Variants in CORO2B observed in about 807,000 individuals in gnomAD.
CORO2B encodes coronin-2B.
Under a neutral mutation model 58.8 loss-of-function variants are expected in CORO2B, and 26 were observed. That is an observed-to-expected ratio of 0.44 (90% CI 0.32 to 0.61). The LOEUF is 0.61. CORO2B is among the 20% of genes least tolerant of loss of function. The probability of loss-of-function intolerance (pLI) is 0.04; values close to 1 mark genes in which losing one functional copy is unlikely to be tolerated. For synonymous variants in CORO2B, 242 were observed against 253.8 expected (o/e 0.95, Z 0.44); for missense variants, 460 against 645.1 (o/e 0.71, Z 3.11).
the CORO2B span, among the ~76,000 whole-genome samples, chr15:68,572,311 C>T: frequency 2.0e-5 from 3 of 152,164 alleles, no homozygotes; most frequent in African/African-American, 7.2e-5. Flanking sequence ...AATGTCAATG[C>T]TACTGTCCCT....
At position 68,726,287 on chromosome 15, in the gene CORO2B, G is replaced by A. The variant is rs1893297585; in HGVS notation, c.*313G>A. ...GCAGGGGCTCCATCTCAGTGGACCA[G>A]GAAGCAAGAGGGGAAGCGGGATCCC... On this transcript the variant is annotated 3_prime_UTR_variant, in exon 12 of 12. Transcript: ENST00000261861. 2.8e-5 allele frequency: 10 copies of A among 351,874 alleles called. 1 individual carries two copies. The highest frequency in any genetic ancestry group is 2.4e-4 in the South Asian group (9 of 37,772). 21.8% of individuals were successfully genotyped at this position (351,874 alleles called of 1,614,324 possible). A position where few individuals can be genotyped will look rare whatever the true frequency, so the allele number is the denominator to read the frequency against.
chr15:68,630,960 C>T (rs187021551), intron 1 of CORO2B, among the ~76,000 whole-genome samples: 63 of 152,350 alleles, frequency 4.1e-4, no homozygotes, highest in African/African-American at 1.5e-3. Flanking sequence ...AAAAATCCTT[C>T]TCAGAAGCCC....
chr15:68,614,585 A>G (rs1389183154), intron 1 of CORO2B, among the ~76,000 whole-genome samples: 1 of 152,180 alleles, frequency 6.6e-6, no homozygotes, highest in Admixed American at 6.5e-5. Context: ...GAGCTCCTGA[A>G]TGACTTTAGA....
At chr15:68,607,318 A>G (rs1900149790) in intron 1 of CORO2B, among the ~76,000 whole-genome samples, 1 of 152,188 alleles carries the variant, frequency 6.6e-6, no homozygotes. Context: ...GTGTCTCCAC[A>G]TGGCTTGAGC....
chr15:68,620,612 G>C (rs1421484979), intron 1 of CORO2B, among the ~76,000 whole-genome samples: 1 of 152,194 alleles, frequency 6.6e-6, no homozygotes, highest in Non-Finnish European at 1.5e-5. Context: ...TCTTGCTTTT[G>C]AATCAGTTTT....
At chr15:68,522,663 T>C in the CORO2B span, among the ~76,000 whole-genome samples, 19 of 152,248 alleles carry the variant, frequency 1.2e-4, no homozygotes, top group African/African-American at 4.3e-4. Flanking sequence ...ATGGTCAGAC[T>C]GGTTTCATCA....
At chr15:68,540,456 A>G in the CORO2B span, among the ~76,000 whole-genome samples, 1 of 152,186 alleles carries the variant, frequency 6.6e-6, no homozygotes. Context: ...TTTTCAAGAT[A>G]ATGTCTGCCA....
chr15:68,585,513 G>A (rs1899528586), intron 1 of CORO2B, among the ~76,000 whole-genome samples: 1 of 152,216 alleles, frequency 6.6e-6, no homozygotes, highest in African/African-American at 2.4e-5. Flanking sequence ...AACGGCTCAA[G>A]GTCACAGGTT....
At chr15:68,545,617 G>T in the CORO2B span, among the ~76,000 whole-genome samples, 8 of 151,526 alleles carry the variant, frequency 5.3e-5, no homozygotes, top group South Asian at 4.2e-4. Flanking sequence ...GGGGGCGGGG[G>T]GGGTAATACT....
At chr15:68,545,170 C>A in the CORO2B span, among the ~76,000 whole-genome samples, 1 of 152,156 alleles carries the variant, frequency 6.6e-6, no homozygotes, top group Non-Finnish European at 1.5e-5. Context: ...GAGTGACACA[C>A]GCTGGAGGAA....
chr15:68,563,504 A>G, the CORO2B span, among the ~76,000 whole-genome samples: 108 of 151,710 alleles, frequency 7.1e-4, no homozygotes, highest in Non-Finnish European at 1.2e-3. Flanking sequence ...AAAAAAGAAA[A>G]GAAAAGAAAA....
chr15:68,609,310 G>A (rs78499306), intron 1 of CORO2B, among the ~76,000 whole-genome samples: 5,011 of 152,304 alleles, frequency 0.033, 100 homozygotes, highest in Middle Eastern at 0.051. Flanking sequence ...CTGTCTGAGC[G>A]TTATCTAGCA....
chr15:68,583,587 C>T (rs902345534), intron 1 of CORO2B, among the ~76,000 whole-genome samples: 8 of 152,112 alleles, frequency 5.3e-5, no homozygotes, highest in African/African-American at 1.4e-4. Flanking sequence ...AGAAGCATTG[C>T]GGGAGTGGGA....
chr15:68,701,260 T>C (rs1892635782), intron 3 of CORO2B, among the ~76,000 whole-genome samples: 1 of 152,140 alleles, frequency 6.6e-6, no homozygotes, highest in Admixed American at 6.5e-5. Flanking sequence ...GTTCAAATCC[T>C]GGCTCTGCCA....
chr15:68,657,049 A>C (rs1901831235), intron 2 of CORO2B, among the ~76,000 whole-genome samples: 1 of 152,250 alleles, frequency 6.6e-6, no homozygotes, highest in Non-Finnish European at 1.5e-5. Context: ...CAGATGGAGT[A>C]CAAAAGTTTG....
intron 1 of CORO2B, among the ~76,000 whole-genome samples, chr15:68,624,928 A>C (rs1322423110): frequency 6.6e-6 from 1 of 152,090 alleles, no homozygotes; most frequent in South Asian, 2.1e-4. Flanking sequence ...TGATACACCC[A>C]CCTTGGCCTC....
chr15:68,685,994 A>C (rs1329885541), intron 2 of CORO2B, among the ~76,000 whole-genome samples: 2 of 145,712 alleles, frequency 1.4e-5, no homozygotes, highest in Non-Finnish European at 3.0e-5. Flanking sequence ...TGGGAACCGC[A>C]CTAGAAATGT....
Position 68,596,333 on chromosome 15 carries a change from G to A in CORO2B, c.15+17056G>A, listed in dbSNP as rs1005339779. ...TCCTGACATCAGTGGTAGAAATGCT[G>A]TTAAAGAAAATACAGGGGCATGGGG... On this transcript the variant is annotated intron_variant, in intron 1 of 11. Coordinates refer to ENST00000261861, the MANE Select transcript of CORO2B (RefSeq NM_006091.5). Among the ~76,000 whole-genome samples, 5 of 121,096 alleles carry A rather than the reference G, an allele frequency of 4.1e-5. No homozygotes were observed. In the South Asian group the frequency reaches 1.5e-3, roughly 36 times the overall value. 79.4% of individuals were successfully genotyped at this position (121,096 alleles called of 152,430 possible).
At chr15:68,599,500 T>C (rs1899921264) in intron 1 of CORO2B, among the ~76,000 whole-genome samples, 1 of 152,260 alleles carries the variant, frequency 6.6e-6, no homozygotes, top group Non-Finnish European at 1.5e-5. Flanking sequence ...GATGCATTCG[T>C]TGGCAAATTC....
Sources: gnomAD v4.1 joint callset for allele counts (sites outside exome capture counted in the v4.1 genomes callset) on GRCh38, gnomAD v4.1.1 for gene constraint, MANE v1.5 for transcripts, NCBI Gene and HGNC (gene_info 2026-07-23, HGNC 2026-07-21) for gene names.